Variants in APPBP2 observed in about 807,000 individuals in gnomAD.
APPBP2 encodes amyloid beta precursor protein binding protein 2, also known as amyloid protein-binding protein 2.
APPBP2 carries 15 observed loss-of-function variants against 76.0 expected under a neutral mutation model. The ratio of observed to expected loss-of-function variants is 0.20; its 90% CI spans 0.13 to 0.30. The LOEUF (loss-of-function observed/expected upper bound fraction) is 0.30, where lower values mean the gene tolerates loss of function less well. APPBP2 is among the 10% of genes least tolerant of loss of function. The probability of loss-of-function intolerance (pLI) is 1.00; values close to 1 mark genes in which losing one functional copy is unlikely to be tolerated. For synonymous variants in APPBP2, 222 were observed against 242.2 expected (o/e 0.92, Z 0.77); for missense variants, 401 against 687.2 (o/e 0.58, Z 4.66).
intron 9 of APPBP2, among the ~76,000 whole-genome samples, chr17:60,457,320 G>A (rs2090438430): frequency 1.3e-5 from 2 of 151,920 alleles, no homozygotes; most frequent in Admixed American, 1.3e-4. Flanking sequence ...CCACCCTCCA[G>A]GTAACCACTA....
At chr17:60,448,032 A>G (rs1375259190) in intron 12 of APPBP2, among the ~76,000 whole-genome samples, 198 bp from the exon 13 acceptor site, 1 of 152,176 alleles carries the variant, frequency 6.6e-6, no homozygotes, top group Non-Finnish European at 1.5e-5. Flanking sequence ...CTTAAAAAAA[A>G]TTTTCTCGTC....
At chr17:60,449,410 G>A (rs1017906539) in intron 12 of APPBP2, among the ~76,000 whole-genome samples, 1 of 152,112 alleles carries the variant, frequency 6.6e-6, no homozygotes, top group Non-Finnish European at 1.5e-5. Context: ...TGGCCAACAC[G>A]GCAAAACCTT....
intron 2 of APPBP2, chr17:60,496,366 AG>A (rs1598365807): frequency 6.6e-6 from 1 of 152,242 alleles, no homozygotes; most frequent in Admixed American, 6.5e-5. Flanking sequence ...AAGGAAAAAA[AG>A]GTCAAATTAC....
chr17:60,459,455 A>G (rs1340796844), intron 9 of APPBP2: 1 of 145,754 alleles, frequency 6.9e-6, no homozygotes, highest in Non-Finnish European at 1.5e-5. Context: ...AATTAGATAG[A>G]TGTCCACCTG....
Position 60,479,144 on chromosome 17 carries a change from T to C in APPBP2, c.503+4A>G, listed in dbSNP as rs760464406. ...ACGTAATTACAGGATATGTTCCAAC[T>C]TACCTCACACAACATTCTACTGCAC... On this transcript the variant is annotated splice_donor_region_variant and intron_variant, in intron 4 of 12. Coordinates refer to ENST00000083182, the MANE Select transcript of APPBP2 (RefSeq NM_006380.5). 1 of 1,610,138 alleles carries C rather than the reference T, an allele frequency of 6.2e-7. No individual in the cohort carries two copies. Among genetic ancestry groups the C allele is most frequent in the Admixed American group, 1.7e-5 (1 of 58,910 alleles).
rs192473646 is a variant in APPBP2, at chr17:60,458,265, C to G, written c.1062-1884G>C. 3.3e-3 allele frequency among the ~76,000 whole-genome samples: 496 copies of G among 152,166 alleles called. 3 individuals are homozygous for G. Among genetic ancestry groups the G allele is most frequent in the African/African-American group, 0.011 (470 of 41,502 alleles). Reference sequence around the variant, plus strand: ...TCTGGCCAACATGGTGAAACCCTGTCTCTACTAAAAATACAAAAATTAGCC... The same window carrying G: ...TCTGGCCAACATGGTGAAACCCTGTGTCTACTAAAAATACAAAAATTAGCC... On this transcript the variant is annotated intron_variant, in intron 9 of 12. Coordinates refer to ENST00000083182, the MANE Select transcript of APPBP2 (RefSeq NM_006380.5).
chr17:60,491,400 C>A (rs2090727935), intron 3 of APPBP2, among the ~76,000 whole-genome samples: 1 of 151,978 alleles, frequency 6.6e-6, no homozygotes, highest in South Asian at 2.1e-4. Flanking sequence ...CTGTTAAAAG[C>A]ATTGTCTCAT....
chr17:60,502,571 A>G lies in APPBP2; in HGVS notation c.139-2084T>C, dbSNP rs947406052. On this transcript the variant is annotated intron_variant, in intron 1 of 12. Coordinates refer to ENST00000083182, the MANE Select transcript of APPBP2 (RefSeq NM_006380.5). ...ATTTCTTTTTAAAAAAAGAATAAACAGGCTGGGCATGGTGGCTCACGCCTG... is the reference window on the plus strand; with the variant it reads ...ATTTCTTTTTAAAAAAAGAATAAACGGGCTGGGCATGGTGGCTCACGCCTG... Among the ~76,000 whole-genome samples, 17 of 131,300 alleles carry G rather than the reference A, an allele frequency of 1.3e-4. 1 individual carries two copies. Among genetic ancestry groups the G allele is most frequent in the Admixed American group, 8.4e-4 (12 of 14,316 alleles). The allele number at this position is 131,300 out of a possible 152,430, so 86.1% of individuals were successfully genotyped here.
intron 4 of APPBP2, among the ~76,000 whole-genome samples, chr17:60,472,845 T>G (rs946655941): frequency 6.6e-6 from 1 of 152,228 alleles, no homozygotes; most frequent in African/African-American, 2.4e-5. Context: ...TAAGGTACAC[T>G]GCTTATGTAG....
At chr17:60,463,049 G>C (rs1014212596) in intron 6 of APPBP2, among the ~76,000 whole-genome samples, 2 of 151,414 alleles carry the variant, frequency 1.3e-5, no homozygotes, top group Non-Finnish European at 2.9e-5. Flanking sequence ...AATTAAAAAC[G>C]TAAGAATATC....
intron 1 of APPBP2, among the ~76,000 whole-genome samples, chr17:60,504,884 C>G (rs559748376): frequency 2.0e-4 from 30 of 152,220 alleles, no homozygotes; most frequent in African/African-American, 7.2e-4. Context: ...TCACACATAC[C>G]AATGAAACCT....
At chr17:60,515,089 C>CCACT (rs1458952069) in intron 1 of APPBP2, among the ~76,000 whole-genome samples, 1 of 151,716 alleles carries the variant, frequency 6.6e-6, no homozygotes, top group Non-Finnish European at 1.5e-5. Flanking sequence ...CAGGCATCAA[C>CCACT]CACTGCGCCT....
At chr17:60,496,608 A>AT (rs931031915) in intron 2 of APPBP2, among the ~76,000 whole-genome samples, 13 of 151,642 alleles carry the variant, frequency 8.6e-5, no homozygotes, top group African/African-American at 1.5e-4. Context: ...TATTTATTAG[A>AT]TTTTTTTTTA....
intron 4 of APPBP2, among the ~76,000 whole-genome samples, chr17:60,475,650 C>T (rs2090584591): frequency 9.4e-6 from 1 of 106,764 alleles, no homozygotes; most frequent in Non-Finnish European, 1.9e-5. Flanking sequence ...ACTCTTTATA[C>T]ACACACACAC....
At chr17:60,474,891 T>A (rs1374819052) in intron 4 of APPBP2, among the ~76,000 whole-genome samples, 1 of 152,160 alleles carries the variant, frequency 6.6e-6, no homozygotes, top group Non-Finnish European at 1.5e-5. Flanking sequence ...GGATTTGTTA[T>A]TATTAATTTA....
chr17:60,505,578 G>A (rs1447840979), intron 1 of APPBP2, among the ~76,000 whole-genome samples: 4 of 151,374 alleles, frequency 2.6e-5, no homozygotes, highest in Non-Finnish European at 5.9e-5. Context: ...GCCTCCCAAA[G>A]TGCTGGGATT....
chr17:60,503,629 G>A lies in APPBP2; in HGVS notation c.139-3142C>T, dbSNP rs981706389. Reference sequence around the variant, plus strand: ...TTGAACTCCTGACCTCAGGTGATCCGCCTGCCTTAGCCTCCCAATGTGCTG... The same window carrying A: ...TTGAACTCCTGACCTCAGGTGATCCACCTGCCTTAGCCTCCCAATGTGCTG... On this transcript the variant is annotated intron_variant, in intron 1 of 12. Coordinates refer to ENST00000083182, the MANE Select transcript of APPBP2 (RefSeq NM_006380.5). Among the ~76,000 whole-genome samples, 18 of 146,326 alleles carry A rather than the reference G, an allele frequency of 1.2e-4. 1 individual carries two copies. The highest frequency in any genetic ancestry group is 2.9e-5 in the Non-Finnish European group (2 of 67,998).
chr17:60,510,169 G>GA (rs1317628138), intron 1 of APPBP2, among the ~76,000 whole-genome samples: 1 of 151,706 alleles, frequency 6.6e-6, no homozygotes, highest in Non-Finnish European at 1.5e-5. Flanking sequence ...TTGGCAAGCC[G>GA]AGACAAGAGG....
At position 60,525,818 on chromosome 17, in the gene APPBP2, G is replaced by A. The variant is rs146698298; in HGVS notation, c.114C>T (p.Asn38=). ...SRRDIRSLPE[N]IQFDVYYKLY... Reference sequence around the variant, plus strand: ...CCTTGTAGTAAACATCAAACTGGATGTTCTCGGGCAAGGAGCGGATGTCTC... The same window carrying A: ...CCTTGTAGTAAACATCAAACTGGATATTCTCGGGCAAGGAGCGGATGTCTC... The change falls in exon 1 of 13, where the codon AAC becomes AAT. Residue 38 remains asparagine (N), a synonymous_variant. Coordinates refer to ENST00000083182, the MANE Select transcript of APPBP2 (RefSeq NM_006380.5). 155 of 1,613,874 alleles carry A rather than the reference G, an allele frequency of 9.6e-5. No individual in the cohort carries two copies. The highest frequency in any genetic ancestry group is 1.2e-4 in the Non-Finnish European group (146 of 1,179,992).
Sources: gnomAD v4.1 joint callset for allele counts (sites outside exome capture counted in the v4.1 genomes callset) on GRCh38, gnomAD v4.1.1 for gene constraint, MANE v1.5 for transcripts, NCBI Gene and HGNC (gene_info 2026-07-23, HGNC 2026-07-21) for gene names.